The following SPIRE1 variants were observed in gnomAD, a reference collection of about 807,000 sequenced individuals.
The protein encoded by SPIRE1 is protein spire homolog 1.
SPIRE1 carries 40 observed loss-of-function variants against 94.1 expected under a neutral mutation model. The observed-to-expected ratio is 0.43, with a 90% CI of 0.33 to 0.55. The LOEUF (loss-of-function observed/expected upper bound fraction) is 0.55, where lower values mean the gene tolerates loss of function less well. Among genes scored for constraint, SPIRE1 ranks in the 20% least tolerant of loss-of-function variants. SPIRE1 has a pLI of 0.06. For missense variants in SPIRE1, 838 were observed against 975.2 expected (o/e 0.86, Z 1.87); for synonymous variants, 376 against 371.7 (o/e 1.01, Z -0.13).
intron 2 of SPIRE1, among the ~76,000 whole-genome samples, chr18:12,600,404 T>C (rs1316657827): frequency 3.3e-5 from 5 of 152,248 alleles, no homozygotes; most frequent in Non-Finnish European, 7.3e-5. Flanking sequence ...GTGGTTCTGC[T>C]AGATTACTCC....
At chr18:12,610,905 C>T (rs2037121382) in intron 2 of SPIRE1, among the ~76,000 whole-genome samples, 1 of 152,162 alleles carries the variant, frequency 6.6e-6, no homozygotes, top group Non-Finnish European at 1.5e-5. Context: ...CTCGTAGCAT[C>T]TTTTGACACA....
At position 12,463,412 on chromosome 18, in the gene SPIRE1, T is replaced by G; in HGVS notation, c.1577A>C (p.Lys526Thr). The change falls in exon 12 of 17, where the codon AAG becomes ACG. Residue 526 changes from lysine (K) to threonine (T), a missense_variant. Physicochemically the swap from Lys to Thr is moderately conservative, Grantham distance 78. This residue lies in a region of SPIRE1 where 645 missense variants were observed against 804.7 expected (regional missense o/e 0.80). Coordinates refer to ENST00000409402, the MANE Select transcript of SPIRE1 (RefSeq NM_001128626.2). Reference protein sequence around the residue: ...QPPQRRHSIEKETPTNVRQFL... With the variant: ...QPPQRRHSIETETPTNVRQFL... Reference sequence around the variant, plus strand: ...CTGCCTCACGTTAGTAGGCGTTTCCTTTTCAATGGAATGTCGTCTCTGGGG... The same window carrying G: ...CTGCCTCACGTTAGTAGGCGTTTCCGTTTCAATGGAATGTCGTCTCTGGGG... The G allele has an allele frequency of 6.2e-7, 1 of 1,614,056 alleles. No individual in the cohort carries two copies. Among genetic ancestry groups the G allele is most frequent in the Non-Finnish European group, 8.5e-7 (1 of 1,179,966 alleles).
chr18:12,556,351 A>C (rs2035502950), intron 2 of SPIRE1, among the ~76,000 whole-genome samples: 2 of 152,240 alleles, frequency 1.3e-5, no homozygotes, highest in South Asian at 2.1e-4. Context: ...AGAATAGCCA[A>C]AGGTATCCTA....
At chr18:12,507,135 G>T (rs2143987750) in intron 5 of SPIRE1, among the ~76,000 whole-genome samples, 1 of 152,340 alleles carries the variant, frequency 6.6e-6, no homozygotes, top group Middle Eastern at 3.4e-3. Flanking sequence ...GGATAAAGAT[G>T]AGATACCTGT....
Position 12,657,631 on chromosome 18 carries a change from CG to C in SPIRE1, c.235del (p.Arg79AlafsTer63). ...CTGCGCGGCCGAGCGCACACGGTGG[CG>C]GGGCTGGCGGCGGCGGGCGGCGGCG... ...LRAAARRRQP[R>X]HRVRSAAQIR... On this transcript the variant is annotated frameshift_variant, in exon 1 of 17. Coordinates refer to ENST00000409402, the MANE Select transcript of SPIRE1 (RefSeq NM_001128626.2). LOFTEE classifies it high-confidence loss of function. The C allele has an allele frequency of 7.6e-7, 1 of 1,311,474 alleles. No individual in the cohort carries two copies. The highest frequency in any genetic ancestry group is 9.7e-7 in the Non-Finnish European group (1 of 1,029,832). The allele number at this position is 1,311,474 out of a possible 1,614,324, so 81.2% of individuals were successfully genotyped here. A position where few individuals can be genotyped will look rare whatever the true frequency, so the allele number is the denominator to read the frequency against.
At chr18:12,640,971 A>G (rs2038068175) in intron 1 of SPIRE1, among the ~76,000 whole-genome samples, 3 of 152,196 alleles carry the variant, frequency 2.0e-5, no homozygotes, top group African/African-American at 7.2e-5. Context: ...GGAGACAGCC[A>G]GATGGAAAGC....
chr18:12,452,984 G>T (rs1568178204), intron 14 of SPIRE1, 84 bp downstream of exon 14: 1 of 852,362 alleles, frequency 1.2e-6, no homozygotes. Context: ...TTCCTGTTTA[G>T]AAAGATGGTG....
At chr18:12,551,730 A>T (rs1043474734) in intron 2 of SPIRE1, among the ~76,000 whole-genome samples, 146 of 151,552 alleles carry the variant, frequency 9.6e-4, no homozygotes, top group African/African-American at 3.4e-3. Flanking sequence ...GGGGCGGGAG[A>T]GGGGTGGAGC....
intron 2 of SPIRE1, among the ~76,000 whole-genome samples, chr18:12,587,846 C>G (rs1413523291): frequency 6.6e-6 from 1 of 152,190 alleles, no homozygotes; most frequent in Non-Finnish European, 1.5e-5. Flanking sequence ...ATACAATCAC[C>G]ATACAATGCA....
At chr18:12,659,357 C>T (rs2038647596), upstream of SPIRE1, among the ~76,000 whole-genome samples, 3 of 151,908 alleles carry the variant, frequency 2.0e-5, no homozygotes, top group South Asian at 2.1e-4. Flanking sequence ...AGCAACAGGA[C>T]GAAAAGGAAA....
chr18:12,522,688 A>G (rs545759027), intron 4 of SPIRE1, among the ~76,000 whole-genome samples: 2 of 152,272 alleles, frequency 1.3e-5, no homozygotes, highest in South Asian at 4.1e-4. Context: ...GTTGAAGTCA[A>G]TGCTAATTTA....
chr18:12,499,407 G>T (rs375175739), intron 6 of SPIRE1, among the ~76,000 whole-genome samples: 1 of 151,910 alleles, frequency 6.6e-6, no homozygotes, highest in Non-Finnish European at 1.5e-5. Flanking sequence ...TGTAAAATGG[G>T]GATGTGTGAG....
Position 12,657,592 on chromosome 18 carries a change from C to T in SPIRE1, c.275G>A (p.Arg92Lys). The T allele has an allele frequency of 7.9e-7, 1 of 1,260,210 alleles. No individual in the cohort carries two copies. The highest frequency in any genetic ancestry group is 3.2e-5 in the East Asian group (1 of 31,504). 78.1% of individuals were successfully genotyped at this position (1,260,210 alleles called of 1,614,324 possible). ...VRSAAQIRVW[R>K]DGAVTLAPAA... The stretch of plus-strand genomic sequence containing the variant: ...GGGCGCCAGGGTGACGGCGCCGTCC[C>T]TCCAGACGCGGATCTGCGCGGCCGA... The change falls in exon 1 of 17, where the codon AGG becomes AAG. Residue 92 changes from arginine to lysine, a missense_variant. This residue lies in a region of SPIRE1 where 193 missense variants were observed against 170.5 expected (regional missense o/e 1.13). Transcript: ENST00000409402.
intron 4 of SPIRE1, among the ~76,000 whole-genome samples, chr18:12,526,784 A>G (rs938313842): frequency 6.6e-6 from 1 of 151,818 alleles, no homozygotes; most frequent in African/African-American, 2.4e-5. Flanking sequence ...ATCTTGGCTC[A>G]CTGTGACCTC....
intron 2 of SPIRE1, among the ~76,000 whole-genome samples, chr18:12,549,424 GTT>G (rs1491477262): frequency 4.1e-4 from 22 of 53,870 alleles, no homozygotes; most frequent in East Asian, 1.7e-3. Flanking sequence ...CTTTTTGTTT[GTT>G]TTTGTTATTG....
chr18:12,558,454 T>C (rs2035583843), intron 2 of SPIRE1, among the ~76,000 whole-genome samples: 1 of 152,170 alleles, frequency 6.6e-6, no homozygotes, highest in South Asian at 2.1e-4. Flanking sequence ...GAACAAACCT[T>C]TCACAGCATG....
intron 2 of SPIRE1, among the ~76,000 whole-genome samples, chr18:12,548,214 T>C (rs113368423): frequency 7.2e-5 from 11 of 152,248 alleles, no homozygotes; most frequent in Non-Finnish European, 1.5e-5. Flanking sequence ...CCAATGTTTA[T>C]CAGTTACTCC....
intron 10 of SPIRE1, among the ~76,000 whole-genome samples, chr18:12,478,099 C>A (rs2032676805): frequency 6.6e-6 from 1 of 151,844 alleles, no homozygotes; most frequent in Non-Finnish European, 1.5e-5. Flanking sequence ...TTTGAAAAAC[C>A]TTTAGTAGCA....
chr18:12,601,344 A>C (rs1299062349), intron 2 of SPIRE1, among the ~76,000 whole-genome samples: 1 of 151,856 alleles, frequency 6.6e-6, no homozygotes, highest in African/African-American at 2.4e-5. Flanking sequence ...AGTCACTTGA[A>C]CCCAGGAGGT....
Sources: allele counts gnomAD v4.1 joint callset (sites outside exome capture counted in the v4.1 genomes callset), GRCh38; gene constraint gnomAD v4.1.1; regional missense constraint gnomAD v4.1.1; transcripts MANE v1.5; gene names NCBI Gene and HGNC (gene_info 2026-07-23, HGNC 2026-07-21).